The following RALGPS1 variants were observed in gnomAD, a reference collection of about 807,000 sequenced individuals.
RALGPS1 encodes ras-specific guanine nucleotide-releasing factor RalGPS1.
Under a neutral mutation model 78.8 loss-of-function variants are expected in RALGPS1, and 19 were observed. The ratio of observed to expected loss-of-function variants is 0.24; its 90% CI spans 0.17 to 0.35. The LOEUF (loss-of-function observed/expected upper bound fraction) is 0.35, where lower values mean the gene tolerates loss of function less well. RALGPS1 is among the 10% of genes least tolerant of loss of function. The pLI is 1.00. For synonymous variants in RALGPS1, 228 were observed against 256.3 expected (o/e 0.89, Z 1.06); for missense variants, 454 against 688.3 (o/e 0.66, Z 3.81).
rs546010687 is a variant in RALGPS1 at position 126,990,513 on chromosome 9, C to CT, written c.216+12769dup. ...TAGGCCAGCAGCAGACCTCCCGACT[C>CT]TCTCCTGCTCCAGTTCACCACTTTG... On this transcript the variant is annotated intron_variant, in intron 4 of 18. Transcript: ENST00000259351. Among the ~76,000 whole-genome samples the CT allele has an allele frequency of 3.5e-4, 53 of 152,364 alleles. 1 individual carries two copies. Among genetic ancestry groups the CT allele is most frequent in the Admixed American group, 2.6e-3 (40 of 15,306 alleles).
At chr9:126,959,551 A>T (rs562391774) in intron 1 of RALGPS1, among the ~76,000 whole-genome samples, 133 of 151,144 alleles carry the variant, frequency 8.8e-4, no homozygotes, top group African/African-American at 3.1e-3. Context: ...TGGCCTCTCC[A>T]GCTCAGCTGT....
In RALGPS1 at chr9:127,212,801, G is replaced by A. The variant is rs967622154; in HGVS notation, c.1446+82G>A. ...CTGTGAACTGTGGAGGATGGGGGTG[G>A]GAAAGGGATCTGTGTGAACTGCGGA... is the stretch of plus-strand genomic sequence containing the variant. On this transcript the variant is annotated intron_variant, in intron 16 of 18. Coordinates refer to ENST00000259351, the MANE Select transcript of RALGPS1 (RefSeq NM_014636.3). The surrounding 1 kb of genome is among the most constrained non-coding windows in gnomAD (Gnocchi z 6.0). 5.2e-6 allele frequency: 8 copies of A among 1,530,100 alleles called. No individual in the cohort carries two copies. The African/African-American group carries it at 8.2e-5, about 16-fold the overall frequency. The allele number at this position is 1,530,100 out of a possible 1,614,324, so 94.8% of individuals were successfully genotyped here.
chr9:127,000,062 C>G (rs1323069891), intron 4 of RALGPS1, among the ~76,000 whole-genome samples: 1 of 152,190 alleles, frequency 6.6e-6, no homozygotes, highest in Non-Finnish European at 1.5e-5. Flanking sequence ...GTCCCCTGCT[C>G]TCATTCCTCA....
At chr9:127,101,037 G>A (rs1035711904) in intron 8 of RALGPS1, among the ~76,000 whole-genome samples, 3 of 152,106 alleles carry the variant, frequency 2.0e-5, no homozygotes, top group Non-Finnish European at 2.9e-5. Context: ...TATCACTGGT[G>A]GTGGTTCTGA....
At chr9:127,210,403 C>T (rs984171678) in intron 14 of RALGPS1, 3 of 449,696 alleles carry the variant, frequency 6.7e-6, no homozygotes, top group African/African-American at 5.9e-5. Flanking sequence ...AGTGGGCGTG[C>T]CTGGATTTTA....
intron 6 of RALGPS1, among the ~76,000 whole-genome samples, chr9:127,052,391 T>C (rs1367219642): frequency 6.6e-6 from 1 of 152,224 alleles, no homozygotes; most frequent in African/African-American, 2.4e-5. Context: ...CATGGTCAAG[T>C]GATGGGGAAG....
intron 18 of RALGPS1, chr9:127,216,902 A>C: frequency 6.5e-7 from 1 of 1,539,710 alleles, no homozygotes; most frequent in Non-Finnish European, 8.8e-7. Context: ...CCTACCACAC[A>C]CAGGAAGCCG....
At position 127,213,003 on chromosome 9, in the gene RALGPS1, T is replaced by C. The variant is rs2062365852; in HGVS notation, c.1506T>C (p.Asp502=). Residue 502 remains aspartate, a synonymous_variant, in exon 17 of 19, where the codon GAT becomes GAC. Coordinates refer to ENST00000259351, the MANE Select transcript of RALGPS1 (RefSeq NM_014636.3). The stretch of plus-strand genomic sequence containing the variant: ...TGGGCTGGATGGTGCAGCTGCCCGA[T>C]GACCCCGAGCACCCAGATATCTTCC... ...SIVGWMVQLP[D]DPEHPDIFQL... is the part of the protein sequence containing the mutation. 1.2e-6 allele frequency: 2 copies of C among 1,614,110 alleles called. No individual in the cohort carries two copies. The highest frequency in any genetic ancestry group is 2.7e-5 in the African/African-American group (2 of 74,936).
At chr9:127,014,695 G>A (rs1012924224) in intron 4 of RALGPS1, among the ~76,000 whole-genome samples, 1 of 152,076 alleles carries the variant, frequency 6.6e-6, no homozygotes, top group African/African-American at 2.4e-5. Context: ...CTGGGGGTGG[G>A]GGGTGTGGCC....
At chr9:126,928,794 G>A (rs1025365559) in intron 1 of RALGPS1, among the ~76,000 whole-genome samples, 2 of 152,080 alleles carry the variant, frequency 1.3e-5, no homozygotes, top group African/African-American at 4.8e-5. Flanking sequence ...TAGAGACAGG[G>A]TTTCACTGTG....
intron 8 of RALGPS1, among the ~76,000 whole-genome samples, chr9:127,121,621 T>C (rs2056093279): frequency 6.6e-6 from 1 of 152,240 alleles, no homozygotes; most frequent in Non-Finnish European, 1.5e-5. Context: ...CGACTTGGTA[T>C]GTGGAGCCCC....
chr9:127,103,538 G>T (rs2053933099), intron 8 of RALGPS1, among the ~76,000 whole-genome samples: 1 of 152,212 alleles, frequency 6.6e-6, no homozygotes, highest in Non-Finnish European at 1.5e-5. Flanking sequence ...GTCCAGATTT[G>T]ATAAAAATTA....
At chr9:126,936,357 A>C (rs899875376) in intron 1 of RALGPS1, among the ~76,000 whole-genome samples, 5 of 152,322 alleles carry the variant, frequency 3.3e-5, no homozygotes, top group Admixed American at 2.6e-4. Context: ...AGAACTTCCA[A>C]AGCGAGGAGA....
Position 127,222,716 on chromosome 9 carries a change from A to G in RALGPS1, c.*3947A>G, listed in dbSNP as rs1252242031. 6.5e-6 allele frequency: 1 copy of G among 152,680 alleles called. No individual in the cohort carries two copies. The highest frequency in any genetic ancestry group is 1.5e-5 in the Non-Finnish European group (1 of 68,054). The allele number at this position is 152,680 out of a possible 1,614,324, so 9.5% of individuals were successfully genotyped here. A position where few individuals can be genotyped will look rare whatever the true frequency, so the allele number is the denominator to read the frequency against. On this transcript the variant is annotated 3_prime_UTR_variant, in exon 19 of 19. Coordinates refer to ENST00000259351, the MANE Select transcript of RALGPS1 (RefSeq NM_014636.3). ...GACTATTCAGTAACGAAGTAATAGT[A>G]ATTAATTAGTATGGTATAATCTTTA...
At position 127,164,497 on chromosome 9, in the gene RALGPS1, A is replaced by G. The variant is rs537854690; in HGVS notation, c.611-1572A>G. Among the ~76,000 whole-genome samples, 5 of 148,048 alleles carry G rather than the reference A, an allele frequency of 3.4e-5. No individual in the cohort carries two copies. The South Asian group carries it at 1.1e-3, about 32-fold the overall frequency. ...TGATCTGCCTGCCTTGGCCTCCCAAAGTGCTGGGATTACAGGCATGAGCCA... is the reference window on the plus strand; with the variant it reads ...TGATCTGCCTGCCTTGGCCTCCCAAGGTGCTGGGATTACAGGCATGAGCCA... On this transcript the variant is annotated intron_variant, in intron 8 of 18. Coordinates refer to ENST00000259351, the MANE Select transcript of RALGPS1 (RefSeq NM_014636.3).
rs192134436 is a variant in RALGPS1, at chr9:127,084,643, C to G, written c.610+15287C>G. Among the ~76,000 whole-genome samples the G allele has an allele frequency of 1.4e-3, 208 of 152,270 alleles. 1 individual carries two copies. The highest frequency in any genetic ancestry group is 4.7e-3 in the African/African-American group (195 of 41,548). ...CTTGACTGAAGGTGGATGAAAACAC[C>G]CCTCTTCCTTGTGGTAGTGGGGACA... On this transcript the variant is annotated intron_variant, in intron 8 of 18. Transcript: ENST00000259351.
At chr9:127,214,667 G>C in intron 17 of RALGPS1, 84 bp from the exon 18 acceptor site, 1 of 1,529,770 alleles carries the variant, frequency 6.5e-7, no homozygotes, top group Middle Eastern at 1.7e-4. Flanking sequence ...TTAGTTACCC[G>C]TGTTTACATT....
At chr9:127,129,328 C>A (rs918152861) in intron 8 of RALGPS1, among the ~76,000 whole-genome samples, 1 of 152,118 alleles carries the variant, frequency 6.6e-6, no homozygotes, top group Non-Finnish European at 1.5e-5. Context: ...TAAAATAATT[C>A]CCATCCAATA....
intron 8 of RALGPS1, among the ~76,000 whole-genome samples, chr9:127,094,663 GT>G (rs1281406676): frequency 1.3e-5 from 2 of 152,238 alleles, no homozygotes; most frequent in African/African-American, 4.8e-5. Context: ...GAATCTGTGT[GT>G]TTTCCAAAGG....
Sources: gnomAD v4.1 joint callset for allele counts (sites outside exome capture counted in the v4.1 genomes callset) on GRCh38, gnomAD v4.1.1 for gene constraint, Gnocchi (gnomAD v3.1) non-coding constraint, MANE v1.5 for transcripts, NCBI Gene and HGNC (gene_info 2026-07-23, HGNC 2026-07-21) for gene names.